WASF1: variants seen among roughly 807,000 people sequenced by gnomAD.
WASF1 encodes the protein WASP family member 1.
In WASF1, 7 loss-of-function variants were observed where a neutral mutation model predicts 50.5. The observed-to-expected ratio is 0.14, with a 90% CI of 0.08 to 0.26. WASF1 has a LOEUF of 0.26. WASF1 is among the 10% of genes least tolerant of loss of function. The probability of loss-of-function intolerance (pLI) is 1.00; values close to 1 mark genes in which losing one functional copy is unlikely to be tolerated. For synonymous variants in WASF1, 205 were observed against 244.0 expected, an observed-to-expected ratio of 0.84 and a Z score of 1.49; for missense variants, 470 against 694.7, an observed-to-expected ratio of 0.68 and a Z score of 3.64.
intron 4 of WASF1, among the ~76,000 whole-genome samples, chr6:110,124,294 A>ATC (rs1562170510): frequency 2.8e-5 from 3 of 107,960 alleles, no homozygotes; most frequent in Non-Finnish European, 5.1e-5. Context: ...ATATATATAT[A>ATC]TATATATATA....
At chr6:110,171,484 TAACG>T (rs1776712149) in intron 2 of WASF1, among the ~76,000 whole-genome samples, 2 of 152,166 alleles carry the variant, frequency 1.3e-5, no homozygotes, top group Non-Finnish European at 2.9e-5. Flanking sequence ...CCGCAGTTTA[TAACG>T]GGGTTGTATC....
At chr6:110,101,076 C>A (rs1773062193) in intron 10 of WASF1, among the ~76,000 whole-genome samples, 1 of 152,102 alleles carries the variant, frequency 6.6e-6, no homozygotes, top group African/African-American at 2.4e-5. Context: ...ATTATTCATT[C>A]TATATGCTCA....
intron 2 of WASF1, among the ~76,000 whole-genome samples, chr6:110,172,066 C>T (rs1381154062): frequency 1.3e-5 from 2 of 152,124 alleles, no homozygotes; most frequent in Non-Finnish European, 2.9e-5. Flanking sequence ...GAAATAGGAA[C>T]GCTTTTACAC....
At chr6:110,102,250 A>G (rs1191143670) in intron 9 of WASF1, 34 bp from the exon 10 acceptor site, 1 of 1,361,620 alleles carries the variant, frequency 7.3e-7, no homozygotes, top group Non-Finnish European at 9.5e-7. Flanking sequence ...CAAGTTATTA[A>G]AAGAGAAAAG....
At chr6:110,138,689 T>G (rs993806123) in intron 3 of WASF1, among the ~76,000 whole-genome samples, 5 of 152,164 alleles carry the variant, frequency 3.3e-5, no homozygotes, top group African/African-American at 1.2e-4. Context: ...CCAAAGTGGG[T>G]AGCTCCTTCC....
chr6:110,153,709 G>A (rs1328204778), intron 3 of WASF1, among the ~76,000 whole-genome samples: 1 of 151,766 alleles, frequency 6.6e-6, no homozygotes, highest in African/African-American at 2.4e-5. Context: ...TTCGAGACCA[G>A]CTTGGACAAC....
intron 3 of WASF1, among the ~76,000 whole-genome samples, chr6:110,130,079 C>T (rs1217960465): frequency 6.6e-6 from 1 of 152,130 alleles, no homozygotes; most frequent in African/African-American, 2.4e-5. Context: ...TTGGGATAAA[C>T]CTAATTGCAG....
intron 2 of WASF1, among the ~76,000 whole-genome samples, chr6:110,165,219 C>A (rs1300290311): frequency 6.6e-6 from 1 of 151,586 alleles, no homozygotes; most frequent in East Asian, 1.9e-4. Flanking sequence ...GTAAGTTCAT[C>A]AGTTGTAACA....
chr6:110,152,577 C>G (rs1405186739), intron 3 of WASF1, among the ~76,000 whole-genome samples: 1 of 152,092 alleles, frequency 6.6e-6, no homozygotes, highest in Non-Finnish European at 1.5e-5. Context: ...GTACAACTAC[C>G]AGGAACTTGA....
chr6:110,102,249 A>G, intron 9 of WASF1, 33 bp from the exon 10 acceptor site: 1 of 1,361,932 alleles, frequency 7.3e-7, no homozygotes, highest in Non-Finnish European at 9.5e-7. Context: ...GCAAGTTATT[A>G]AAAGAGAAAA....
rs551742791 is a variant in WASF1, at chr6:110,108,864, C to T, written c.269-183G>A. On this transcript the variant is annotated intron_variant, in intron 5 of 10. Transcript: ENST00000392589. ...CATTATATTTACCCATATCATTCTG[C>T]GCCTAATTTTCCCAATCAGATAGGT... is the stretch of plus-strand genomic sequence containing the variant. Among the ~76,000 whole-genome samples the T allele has an allele frequency of 1.8e-4, 27 of 152,212 alleles. No individual in the cohort carries two copies. The South Asian group carries it at 2.5e-3, about 14-fold the overall frequency.
intron 2 of WASF1, among the ~76,000 whole-genome samples, chr6:110,175,551 G>A (rs1052213518): frequency 6.6e-6 from 1 of 152,190 alleles, no homozygotes; most frequent in African/African-American, 2.4e-5. Context: ...GTTACACCAA[G>A]CTTCGAAGTA....
At chr6:110,113,794 T>A (rs996143702) in intron 4 of WASF1, among the ~76,000 whole-genome samples, 3 of 152,198 alleles carry the variant, frequency 2.0e-5, no homozygotes, top group Non-Finnish European at 4.4e-5. Context: ...AATTTTAAAG[T>A]ATATTTTAAA....
chr6:110,178,414 CAAATTT>C (rs1365387980), intron 2 of WASF1, among the ~76,000 whole-genome samples, 178 bp downstream of exon 2: 3 of 152,032 alleles, frequency 2.0e-5, no homozygotes, highest in African/African-American at 4.8e-5. Context: ...ACCTACCATG[CAAATTT>C]AAATTTAAGA....
At chr6:110,163,662 C>T (rs1776354774) in intron 2 of WASF1, among the ~76,000 whole-genome samples, 2 of 151,580 alleles carry the variant, frequency 1.3e-5, no homozygotes, top group South Asian at 4.1e-4. Flanking sequence ...ATCTTCCCAA[C>T]TTGATCTGTA....
In WASF1 at chr6:110,109,410, T is replaced by A. The variant is rs575961129; in HGVS notation, c.269-729A>T. On this transcript the variant is annotated intron_variant, in intron 5 of 10. Transcript: ENST00000392589. ...GTGCAGCATGTTAAAATAAAAAACATACAAAAATGCTGCATTCTTAATTCT... is the reference window on the plus strand; with the variant it reads ...GTGCAGCATGTTAAAATAAAAAACAAACAAAAATGCTGCATTCTTAATTCT... Among the ~76,000 whole-genome samples, 17 of 152,280 alleles carry A rather than the reference T, an allele frequency of 1.1e-4. No homozygotes were observed. In the South Asian group the frequency reaches 3.5e-3, roughly 32 times the overall value.
chr6:110,173,428 T>C (rs55748081), intron 2 of WASF1, among the ~76,000 whole-genome samples: 13,035 of 152,130 alleles, frequency 0.086, 867 homozygotes, highest in African/African-American at 0.19. Flanking sequence ...AATGGTACCT[T>C]TGCAGCATAA....
chr6:110,120,790 T>C (rs1473883070), intron 4 of WASF1, among the ~76,000 whole-genome samples: 1 of 152,118 alleles, frequency 6.6e-6, no homozygotes, highest in African/African-American at 2.4e-5. Context: ...CAAACTACAC[T>C]ACAAGGCTAC....
intron 3 of WASF1, among the ~76,000 whole-genome samples, chr6:110,151,970 G>T (rs1380717473): frequency 1.3e-5 from 2 of 151,994 alleles, no homozygotes; most frequent in Non-Finnish European, 2.9e-5. Flanking sequence ...AAACTTTATT[G>T]AGGTATAAGT....
Sources: gnomAD v4.1 joint callset for allele counts (sites outside exome capture counted in the v4.1 genomes callset) on GRCh38, gnomAD v4.1.1 for gene constraint, MANE v1.5 for transcripts, NCBI Gene and HGNC (gene_info 2026-07-23, HGNC 2026-07-21) for gene names.